Variants in DOCK2 observed in about 807,000 individuals in gnomAD.
DOCK2 encodes dedicator of cytokinesis protein 2.
In DOCK2, 87 loss-of-function variants were observed where a neutral mutation model predicts 248.9. That is an observed-to-expected ratio of 0.35 (90% CI 0.29 to 0.42). The LOEUF is 0.42. DOCK2 is among the 10% of genes least tolerant of loss of function. The pLI, the probability that DOCK2 is intolerant of heterozygous loss-of-function variation, is 1.00. For missense variants in DOCK2, 1,747 were observed against 2,300.2 expected (o/e 0.76, Z 4.92); for synonymous variants, 805 against 821.6 (o/e 0.98, Z 0.35).
intron 26 of DOCK2, among the ~76,000 whole-genome samples, chr5:169,818,808 A>C (rs751062422): frequency 1.3e-5 from 2 of 152,152 alleles, no homozygotes; most frequent in Non-Finnish European, 2.9e-5. Flanking sequence ...AGTTATTTCC[A>C]GGCTTTTCCA....
At chr5:169,986,031 A>G (rs1227530363) in intron 29 of DOCK2, 109 bp downstream of exon 29, 6 of 1,022,450 alleles carry the variant, frequency 5.9e-6, no homozygotes, top group Non-Finnish European at 8.5e-6. Flanking sequence ...AAGAAATTAA[A>G]GTGTTAAGGC....
intron 27 of DOCK2, among the ~76,000 whole-genome samples, chr5:169,945,670 G>A (rs769186825): frequency 6.6e-6 from 1 of 152,204 alleles, no homozygotes; most frequent in Non-Finnish European, 1.5e-5. Context: ...ACGGGTACTA[G>A]GAAGGAGTAG....
rs141172317 is a variant in DOCK2 at position 169,789,006 on chromosome 5, C to T, written c.2555-14052C>T. Among the ~76,000 whole-genome samples, 941 of 152,220 alleles carry T rather than the reference C, an allele frequency of 6.2e-3. 6 individuals carry two copies. The highest frequency in any genetic ancestry group is 0.01 in the East Asian group (54 of 5,168). On this transcript the variant is annotated intron_variant, in intron 25 of 51. Transcript: ENST00000520908. ...CTCCCTCCTTCTACTCTCCACCCTC[C>T]GATAGACCCCAGTGAGGGTTGTTCC...
intron 1 of DOCK2, among the ~76,000 whole-genome samples, chr5:169,642,961 G>A (rs920636638): frequency 6.6e-6 from 1 of 151,508 alleles, no homozygotes. Context: ...TTTTTCAATA[G>A]TCAATTACAC....
At chr5:170,063,900 G>A (rs1457137314) in intron 44 of DOCK2, among the ~76,000 whole-genome samples, 2 of 152,202 alleles carry the variant, frequency 1.3e-5, no homozygotes, top group Non-Finnish European at 2.9e-5. Context: ...CAGAGAGAGT[G>A]AGAGGTAATC....
chr5:169,789,243 T>C (rs1766177968), intron 25 of DOCK2, among the ~76,000 whole-genome samples: 2 of 152,218 alleles, frequency 1.3e-5, no homozygotes, highest in Non-Finnish European at 2.9e-5. Flanking sequence ...ATTTTGTTTA[T>C]CCAGTCTTTT....
intron 27 of DOCK2, among the ~76,000 whole-genome samples, chr5:169,886,587 C>T (rs561968916): frequency 6.6e-6 from 1 of 152,196 alleles, no homozygotes; most frequent in Non-Finnish European, 1.5e-5. Flanking sequence ...ATTAACAACT[C>T]ACTGTTAAAT....
At chr5:170,067,810 A>C in intron 45 of DOCK2, 124 bp downstream of exon 45, 1 of 1,105,016 alleles carries the variant, frequency 9.0e-7, no homozygotes. Flanking sequence ...CCCCAGAGGG[A>C]CCCTCAGCTT....
At chr5:169,806,497 C>T (rs1162802832) in intron 26 of DOCK2, among the ~76,000 whole-genome samples, 1 of 151,958 alleles carries the variant, frequency 6.6e-6, no homozygotes, top group East Asian at 1.9e-4. Flanking sequence ...TGGGGTGGGT[C>T]CCCGGTGAAA....
chr5:169,947,455 T>C (rs906924714), intron 27 of DOCK2, among the ~76,000 whole-genome samples: 1 of 152,196 alleles, frequency 6.6e-6, no homozygotes, highest in East Asian at 1.9e-4. Context: ...ATTAGCCCTG[T>C]TTTACAGATG....
intron 3 of DOCK2, 85 bp downstream of exon 3, chr5:169,669,413 A>G: frequency 6.9e-7 from 1 of 1,454,682 alleles, no homozygotes; most frequent in Non-Finnish European, 9.6e-7. Flanking sequence ...CTCTCCCACC[A>G]TTGCTCCTCA....
At position 169,840,646 on chromosome 5, in the gene DOCK2, G is replaced by A. The variant is rs139398304; in HGVS notation, c.2704-111G>A. The stretch of plus-strand genomic sequence containing the variant: ...TGATGGCAGTAGTGGTGGTGGTGTT[G>A]GTGATGGTGTTGAAGATCACCATGT... On this transcript the variant is annotated intron_variant, in intron 26 of 51. Coordinates refer to ENST00000520908, the MANE Select transcript of DOCK2 (RefSeq NM_004946.3). 2.9e-4 allele frequency: 232 copies of A among 786,978 alleles called. 1 individual carries two copies. In the East Asian group the frequency reaches 5.7e-3, roughly 19 times the overall value. 48.7% of individuals were successfully genotyped at this position (786,978 alleles called of 1,614,324 possible). A position where few individuals can be genotyped will look rare whatever the true frequency, so the allele number is the denominator to read the frequency against.
At chr5:169,890,219 C>T (rs1773204784) in intron 27 of DOCK2, among the ~76,000 whole-genome samples, 1 of 152,190 alleles carries the variant, frequency 6.6e-6, no homozygotes, top group South Asian at 2.1e-4. Flanking sequence ...TGTGTTAGTC[C>T]TGTTTCCTCA....
chr5:169,881,076 C>T (rs1178950323), intron 27 of DOCK2, among the ~76,000 whole-genome samples: 1 of 152,062 alleles, frequency 6.6e-6, no homozygotes, highest in East Asian at 1.9e-4. Context: ...AGACCGAATG[C>T]CTTAACTTTC....
chr5:169,768,985 A>G (rs1359356563), intron 25 of DOCK2, among the ~76,000 whole-genome samples: 5 of 152,190 alleles, frequency 3.3e-5, no homozygotes, highest in African/African-American at 4.8e-5. Flanking sequence ...CAGGCATTTC[A>G]GCTCAATTCC....
At chr5:169,928,762 G>A (rs545137937) in intron 27 of DOCK2, among the ~76,000 whole-genome samples, 3 of 152,310 alleles carry the variant, frequency 2.0e-5, no homozygotes, top group African/African-American at 7.2e-5. Flanking sequence ...ATGAGTGGGT[G>A]GAAGAAAATA....
At position 170,077,828 on chromosome 5, in the gene DOCK2, C is replaced by A. The variant is rs771606220; in HGVS notation, c.4985C>A (p.Thr1662Asn). Residue 1662 changes from threonine (T) to asparagine (N), a missense_variant, in exon 48 of 52, where the codon ACC becomes AAC. By Grantham distance (65) the Thr-to-Asn change is moderately conservative. This residue lies in a region of DOCK2 where 513 missense variants were observed against 586.1 expected (regional missense o/e 0.88). Coordinates refer to ENST00000520908, the MANE Select transcript of DOCK2 (RefSeq NM_004946.3). Reference protein sequence around the residue: ...NSDCSTPSKPTSESFDLELAS... With the variant: ...NSDCSTPSKPNSESFDLELAS... ...GACTGCAGCACCCCCAGCAAGCCTA[C>A]CTCAGAGAGGTCAGTCCCTGCACCC... The A allele has an allele frequency of 6.2e-7, 1 of 1,613,126 alleles. No homozygotes were observed. Among genetic ancestry groups the A allele is most frequent in the Non-Finnish European group, 8.5e-7 (1 of 1,179,898 alleles).
chr5:169,760,933 A>T (rs1764450443), intron 24 of DOCK2, among the ~76,000 whole-genome samples: 1 of 152,186 alleles, frequency 6.6e-6, no homozygotes, highest in Admixed American at 6.5e-5. Context: ...GGGTATTTTG[A>T]TTCTCACCCT....
intron 25 of DOCK2, among the ~76,000 whole-genome samples, chr5:169,769,380 AG>A (rs1764962933): frequency 6.6e-6 from 1 of 152,160 alleles, no homozygotes; most frequent in African/African-American, 2.4e-5. Context: ...CAGGTGAAGG[AG>A]CAGCTGACCC....
Sources: allele counts gnomAD v4.1 joint callset (sites outside exome capture counted in the v4.1 genomes callset), GRCh38; gene constraint gnomAD v4.1.1; regional missense constraint gnomAD v4.1.1; transcripts MANE v1.5; gene names NCBI Gene and HGNC (gene_info 2026-07-23, HGNC 2026-07-21).